PALLD: variants seen among roughly 807,000 people sequenced by gnomAD.
The protein encoded by PALLD is palladin.
In PALLD, 61 loss-of-function variants were observed where a neutral mutation model predicts 123.5. That is an observed-to-expected ratio of 0.49 (90% CI 0.40 to 0.61). PALLD has a LOEUF of 0.61. Among genes scored for constraint, PALLD ranks in the 20% least tolerant of loss-of-function variants. The pLI, the probability that PALLD is intolerant of heterozygous loss-of-function variation, is 0.00. For missense variants in PALLD, 1,273 were observed against 1,377.0 expected, an observed-to-expected ratio of 0.92 and a Z score of 1.20; for synonymous variants, 465 against 496.4, an observed-to-expected ratio of 0.94 and a Z score of 0.84.
rs529912562 is a variant in PALLD at position 168,551,019 on chromosome 4, A to G, written c.908+38607A>G. On this transcript the variant is annotated intron_variant, in intron 2 of 21. Coordinates refer to ENST00000505667, the MANE Select transcript of PALLD (RefSeq NM_001166108.2). ...ATTTTCACATTTTATAAATCCAGTG[A>G]CAAAGTTTAGAGTTATCTATGCACT... is the stretch of plus-strand genomic sequence containing the variant. Among the ~76,000 whole-genome samples, 8 of 152,322 alleles carry G rather than the reference A, an allele frequency of 5.3e-5. No homozygotes were observed. The East Asian group carries it at 1.5e-3, about 29-fold the overall frequency.
intron 10 of PALLD, among the ~76,000 whole-genome samples, chr4:168,766,995 A>AT (rs1331632005): frequency 6.6e-6 from 1 of 152,134 alleles, no homozygotes; most frequent in African/African-American, 2.4e-5. Context: ...GATACTGTAA[A>AT]TCTTCCTTTT....
intron 2 of PALLD, among the ~76,000 whole-genome samples, chr4:168,575,774 C>T (rs138104770): frequency 1.0e-3 from 153 of 152,252 alleles, no homozygotes; most frequent in African/African-American, 3.5e-3. Context: ...GCTTGAGATT[C>T]TGCATTCTAA....
chr4:168,857,565 T>A (rs1748786769), intron 10 of PALLD, among the ~76,000 whole-genome samples: 1 of 152,230 alleles, frequency 6.6e-6, no homozygotes, highest in Non-Finnish European at 1.5e-5. Flanking sequence ...GTGTACACAT[T>A]AACTTCATAA....
intron 2 of PALLD, chr4:168,536,660 C>T (rs1470962002): frequency 6.6e-6 from 1 of 152,056 alleles, no homozygotes; most frequent in Non-Finnish European, 1.5e-5. Context: ...CATCAGATCT[C>T]GCGAGAACTC....
intron 10 of PALLD, among the ~76,000 whole-genome samples, chr4:168,734,274 A>ATT (rs879337766): frequency 6.9e-6 from 1 of 145,804 alleles, no homozygotes; most frequent in Non-Finnish European, 1.5e-5. Flanking sequence ...CCTGGGTTTG[A>ATT]TTTTTTTTTT....
intron 2 of PALLD, among the ~76,000 whole-genome samples, chr4:168,632,986 G>A (rs1775984586): frequency 6.6e-6 from 1 of 152,156 alleles, no homozygotes; most frequent in African/African-American, 2.4e-5. Context: ...CCTGAGAAGG[G>A]GGCTGTCCTC....
intron 2 of PALLD, among the ~76,000 whole-genome samples, chr4:168,576,377 C>T (rs568978460): frequency 2.6e-4 from 39 of 152,090 alleles, no homozygotes; most frequent in African/African-American, 7.0e-4. Context: ...AAATGCTATC[C>T]GTCCCCCCTC....
At chr4:168,893,346 C>T (rs1754459808) in intron 11 of PALLD, among the ~76,000 whole-genome samples, 1 of 152,184 alleles carries the variant, frequency 6.6e-6, no homozygotes, top group Admixed American at 6.5e-5. Context: ...CTACCTCTGC[C>T]TCTTCTTGTC....
At position 168,852,634 on chromosome 4, in the gene PALLD, C is replaced by A. The variant is rs530841085; in HGVS notation, c.1965-38288C>A. On this transcript the variant is annotated intron_variant, in intron 10 of 21. Transcript: ENST00000505667. ...CTCCAGCCTGGGCAACAGAGTGAGA[C>A]CCTGTCTCAAAAGGAAAGAACCATC... 3.0e-4 allele frequency among the ~76,000 whole-genome samples: 46 copies of A among 152,298 alleles called. No individual in the cohort carries two copies. In the East Asian group the frequency reaches 7.5e-3, roughly 25 times the overall value.
intron 2 of PALLD, chr4:168,631,891 C>A: frequency 3.0e-6 from 3 of 985,454 alleles, no homozygotes; most frequent in Non-Finnish European, 3.6e-6. Context: ...CGGCGTTTTG[C>A]GCCCAACTGG....
chr4:168,615,050 A>G (rs1004429204), intron 2 of PALLD, among the ~76,000 whole-genome samples: 11 of 152,164 alleles, frequency 7.2e-5, no homozygotes, highest in African/African-American at 2.4e-4. Flanking sequence ...GGGTTACATG[A>G]TTAAAGAAAT....
rs138522407 is a variant in PALLD at position 168,917,708 on chromosome 4, GAATA to G, written c.2850+1686_2850+1689del. On this transcript the variant is annotated intron_variant, in intron 17 of 21. Coordinates refer to ENST00000505667, the MANE Select transcript of PALLD (RefSeq NM_001166108.2). ...CTGGGATTATAGAAATGTATAAAAAGAATAAATATAACAAAAATATTTTATTTCT... is the reference window on the plus strand; with the variant it reads ...CTGGGATTATAGAAATGTATAAAAAGAATATAACAAAAATATTTTATTTCT... Among the ~76,000 whole-genome samples, 1,322 of 151,952 alleles carry G rather than the reference GAATA, an allele frequency of 8.7e-3. 15 individuals carry two copies. Among genetic ancestry groups the G allele is most frequent in the African/African-American group, 0.03 (1,242 of 41,448 alleles).
At chr4:168,705,801 T>C (rs1784166666) in intron 8 of PALLD, among the ~76,000 whole-genome samples, 1 of 152,006 alleles carries the variant, frequency 6.6e-6, no homozygotes, top group African/African-American at 2.4e-5. Flanking sequence ...CATGCCTGGC[T>C]AATTTTTTTG....
chr4:168,874,694 T>C (rs1020022326), intron 10 of PALLD, among the ~76,000 whole-genome samples: 1 of 151,972 alleles, frequency 6.6e-6, no homozygotes, highest in African/African-American at 2.4e-5. Flanking sequence ...CTTTTATGTG[T>C]TACATGCCTG....
chr4:168,832,158 C>T (rs1744325074), intron 10 of PALLD: 1 of 985,530 alleles, frequency 1.0e-6, no homozygotes, highest in Non-Finnish European at 1.2e-6. Context: ...CGGGAGGCGG[C>T]CCGGAGAGCC....
chr4:168,824,919 T>C (rs975785809), intron 10 of PALLD, among the ~76,000 whole-genome samples: 1 of 145,616 alleles, frequency 6.9e-6, no homozygotes, highest in African/African-American at 2.6e-5. Context: ...CCTCCCAGGC[T>C]CAAGCGATTC....
At chr4:168,881,265 G>C (rs193026667) in intron 10 of PALLD, among the ~76,000 whole-genome samples, 5 of 152,006 alleles carry the variant, frequency 3.3e-5, no homozygotes, top group African/African-American at 1.2e-4. Context: ...GTTTCACACT[G>C]TTCTTATTTT....
chr4:168,875,368 A>G (rs927311343), intron 10 of PALLD, among the ~76,000 whole-genome samples: 5 of 152,246 alleles, frequency 3.3e-5, no homozygotes, highest in African/African-American at 1.2e-4. Context: ...AATGAGGAAG[A>G]AGAAAATGGT....
Position 168,711,852 on chromosome 4 carries a change from A to C in PALLD, c.1893A>C (p.Lys631Asn). 5.0e-6 allele frequency: 8 copies of C among 1,614,088 alleles called. No homozygotes were observed. The highest frequency in any genetic ancestry group is 6.8e-6 in the Non-Finnish European group (8 of 1,180,024). The part of the protein sequence containing the change: ...GLINGKANSN[K>N]SLPTPAVLLS... ...TTAACGGCAAAGCTAACAGTAATAA[A>C]TCTCTTCCAACACCAGCTGTCCTGC... is the stretch of plus-strand genomic sequence containing the variant. The change falls in exon 10 of 22, where the codon AAA becomes AAC. Residue 631 changes from lysine (K) to asparagine (N), a missense_variant. Coordinates refer to ENST00000505667, the MANE Select transcript of PALLD (RefSeq NM_001166108.2).
Sources: allele counts gnomAD v4.1 joint callset (sites outside exome capture counted in the v4.1 genomes callset), GRCh38; gene constraint gnomAD v4.1.1; transcripts MANE v1.5; gene names NCBI Gene and HGNC (gene_info 2026-07-23, HGNC 2026-07-21).